The following TMEM117 variants were observed in gnomAD, a reference collection of about 807,000 sequenced individuals.
TMEM117 encodes the protein transmembrane protein 117.
A neutral mutation model predicts 52.4 loss-of-function variants in TMEM117; 27 were observed. The observed-to-expected ratio is 0.51, with a 90% CI of 0.38 to 0.71. The LOEUF is 0.71. Among genes scored for constraint, TMEM117 ranks in the 30% least tolerant of loss-of-function variants. The probability of loss-of-function intolerance (pLI) is 0.00; values close to 1 mark genes in which losing one functional copy is unlikely to be tolerated. For synonymous variants in TMEM117, 215 were observed against 206.3 expected, an observed-to-expected ratio of 1.04 and a Z score of -0.36; for missense variants, 556 against 630.5, an observed-to-expected ratio of 0.88 and a Z score of 1.26.
chr12:44,093,735 G>C (rs1947711709), intron 3 of TMEM117, among the ~76,000 whole-genome samples: 1 of 151,992 alleles, frequency 6.6e-6, no homozygotes, highest in Non-Finnish European at 1.5e-5. Context: ...GCTACTAAGA[G>C]ACAGAATCAT....
At chr12:44,184,116 C>A (rs988732145) in intron 4 of TMEM117, among the ~76,000 whole-genome samples, 2 of 152,082 alleles carry the variant, frequency 1.3e-5, no homozygotes, top group South Asian at 2.1e-4. Flanking sequence ...GAGGCTGAGG[C>A]GGGCGGATCA....
intron 4 of TMEM117, among the ~76,000 whole-genome samples, chr12:44,182,422 T>G (rs1949215288): frequency 6.6e-6 from 1 of 152,232 alleles, no homozygotes; most frequent in East Asian, 1.9e-4. Context: ...AGGGCATCCC[T>G]GTCTTGTGCA....
Position 44,070,692 on chromosome 12 carries a change from C to T in TMEM117, c.411-72833C>T, listed in dbSNP as rs549645348. 2.9e-4 allele frequency among the ~76,000 whole-genome samples: 44 copies of T among 152,298 alleles called. 1 individual carries two copies. In the South Asian group the frequency reaches 8.7e-3, roughly 30 times the overall value. On this transcript the variant is annotated intron_variant, in intron 3 of 7. Coordinates refer to ENST00000266534, the MANE Select transcript of TMEM117 (RefSeq NM_032256.3). The stretch of plus-strand genomic sequence containing the variant: ...CCTCACAGGTCTTTTGATGACAGGG[C>T]AGAGACTAACACAGATGTCACTAAC...
intron 3 of TMEM117, among the ~76,000 whole-genome samples, chr12:44,027,582 C>A (rs1467338549): frequency 1.3e-5 from 2 of 152,116 alleles, no homozygotes; most frequent in Non-Finnish European, 2.9e-5. Context: ...TGATTGGATT[C>A]CATGCTGCAT....
chr12:44,322,611 C>A (rs946110928), intron 6 of TMEM117, among the ~76,000 whole-genome samples: 2 of 152,040 alleles, frequency 1.3e-5, no homozygotes, highest in African/African-American at 4.8e-5. Context: ...TATTTTTGAA[C>A]GTCTTTGAGA....
At chr12:44,024,704 A>G (rs1946505356) in intron 3 of TMEM117, among the ~76,000 whole-genome samples, 2 of 152,074 alleles carry the variant, frequency 1.3e-5, no homozygotes, top group African/African-American at 4.8e-5. Flanking sequence ...ATTGAAAGTC[A>G]AATTTACCCA....
At chr12:44,004,274 T>C (rs534710387) in intron 3 of TMEM117, among the ~76,000 whole-genome samples, 1 of 152,328 alleles carries the variant, frequency 6.6e-6, no homozygotes, top group South Asian at 2.1e-4. Context: ...GCTCTTTTGC[T>C]GACTTGTTTC....
chr12:44,393,572 G>A (rs1454464110), downstream of TMEM117, among the ~76,000 whole-genome samples: 1 of 143,978 alleles, frequency 6.9e-6, no homozygotes, highest in East Asian at 1.9e-4. Context: ...GTCAAGATTG[G>A]AATTCAGTCT....
chr12:44,045,711 C>CG (rs1241989593), intron 3 of TMEM117, among the ~76,000 whole-genome samples: 3 of 152,070 alleles, frequency 2.0e-5, no homozygotes, highest in African/African-American at 7.2e-5. Context: ...AGCGTGGTGG[C>CG]GGGCATCTGT....
At chr12:44,153,113 G>T (rs1295941817) in intron 4 of TMEM117, among the ~76,000 whole-genome samples, 1 of 151,636 alleles carries the variant, frequency 6.6e-6, no homozygotes, top group African/African-American at 2.4e-5. Flanking sequence ...ATATTAATGA[G>T]TACTCATTTT....
At chr12:44,011,981 T>G (rs1262506979) in intron 3 of TMEM117, among the ~76,000 whole-genome samples, 1 of 152,176 alleles carries the variant, frequency 6.6e-6, no homozygotes, top group African/African-American at 2.4e-5. Flanking sequence ...CTTAGAATGG[T>G]GCATAGTTTA....
intron 4 of TMEM117, among the ~76,000 whole-genome samples, chr12:44,149,017 T>A (rs956946528): frequency 6.6e-6 from 1 of 152,192 alleles, no homozygotes; most frequent in Non-Finnish European, 1.5e-5. Context: ...CACACTAAAT[T>A]TGTTCCCAGA....
intron 2 of TMEM117, among the ~76,000 whole-genome samples, chr12:43,938,480 G>A (rs1310021439): frequency 1.3e-5 from 2 of 151,802 alleles, no homozygotes; most frequent in African/African-American, 4.8e-5. Context: ...GGTCATCTTG[G>A]GACAACAAAG....
chr12:44,380,272 G>A (rs918525062), intron 7 of TMEM117, among the ~76,000 whole-genome samples: 1 of 152,166 alleles, frequency 6.6e-6, no homozygotes, highest in Non-Finnish European at 1.5e-5. Context: ...CAGCAGAGGA[G>A]ACTATGATTG....
chr12:44,383,011 T>C (rs60072165), intron 7 of TMEM117, among the ~76,000 whole-genome samples: 4 of 152,142 alleles, frequency 2.6e-5, no homozygotes, highest in Non-Finnish European at 4.4e-5. Flanking sequence ...AATTGCATAT[T>C]TCTTTTACTT....
intron 3 of TMEM117, chr12:44,073,505 T>C (rs1010121383): frequency 4.6e-5 from 7 of 152,182 alleles, no homozygotes; most frequent in Non-Finnish European, 7.3e-5. Context: ...ATTCATACTA[T>C]TATTGAGGTT....
At chr12:44,075,128 A>G (rs1441757814) in intron 3 of TMEM117, among the ~76,000 whole-genome samples, 1 of 152,206 alleles carries the variant, frequency 6.6e-6, no homozygotes, top group Non-Finnish European at 1.5e-5. Context: ...GTAAGAGACT[A>G]GACCAGGGTT....
In TMEM117 at chr12:43,990,683, AT is replaced by A. The variant is rs539394829; in HGVS notation, c.410+46347del. ...TCTTGCCTGTCTATATTAGCTCATTATTTTTTCAGTATGTCCCTGTGAGGTA... is the reference window on the plus strand; with the variant it reads ...TCTTGCCTGTCTATATTAGCTCATTATTTTTCAGTATGTCCCTGTGAGGTA... On this transcript the variant is annotated intron_variant, in intron 3 of 7. Transcript: ENST00000266534. Among the ~76,000 whole-genome samples the A allele has an allele frequency of 1.9e-3, 291 of 152,006 alleles. 2 individuals are homozygous for A. The highest frequency in any genetic ancestry group is 6.8e-3 in the Middle Eastern group (2 of 292).
chr12:44,213,794 T>G (rs1255694837), intron 5 of TMEM117, among the ~76,000 whole-genome samples: 3 of 152,234 alleles, frequency 2.0e-5, no homozygotes, highest in Non-Finnish European at 4.4e-5. Context: ...GATTGTAAGT[T>G]TTCTGACGCC....
Sources: allele counts gnomAD v4.1 joint callset (sites outside exome capture counted in the v4.1 genomes callset), GRCh38; gene constraint gnomAD v4.1.1; transcripts MANE v1.5; gene names NCBI Gene and HGNC (gene_info 2026-07-23, HGNC 2026-07-21).